USP47: variants seen among roughly 807,000 people sequenced by gnomAD.
USP47 encodes ubiquitin specific peptidase 47, also known as ubiquitin carboxyl-terminal hydrolase 47.
Under a neutral mutation model 165.1 loss-of-function variants are expected in USP47, and 35 were observed. That is an observed-to-expected ratio of 0.21 (90% CI 0.16 to 0.28). USP47 has a LOEUF of 0.28. Ranked by LOEUF, USP47 falls within the 10% of genes least tolerant of loss-of-function variation. USP47 has a pLI of 1.00. For missense variants in USP47, 1,277 were observed against 1,607.4 expected (o/e 0.79, Z 3.52); for synonymous variants, 531 against 544.5 (o/e 0.98, Z 0.35).
At chr11:11,862,337 A>G (rs1464181195) in intron 1 of USP47, among the ~76,000 whole-genome samples, 2 of 152,180 alleles carry the variant, frequency 1.3e-5, no homozygotes, top group African/African-American at 4.8e-5. Context: ...GTTTGTTTTT[A>G]GTAGTAAAGA....
intron 17 of USP47, 149 bp from the exon 18 acceptor site, chr11:11,938,108 G>C (rs1433639938): frequency 3.2e-6 from 2 of 618,258 alleles, no homozygotes; most frequent in Non-Finnish European, 2.8e-6. Context: ...TGCAGTAACT[G>C]GTGATTTATA....
At chr11:11,926,112 A>T (rs545846571) in intron 11 of USP47, among the ~76,000 whole-genome samples, 2 of 152,292 alleles carry the variant, frequency 1.3e-5, no homozygotes, top group Non-Finnish European at 2.9e-5. Flanking sequence ...TTAAGGATTT[A>T]TGCATGAATA....
At chr11:11,849,333 A>T (rs1832132354) in intron 1 of USP47, among the ~76,000 whole-genome samples, 2 of 152,174 alleles carry the variant, frequency 1.3e-5, no homozygotes, top group African/African-American at 4.8e-5. Context: ...AGTGGTTATC[A>T]ATTGGGGCCC....
At chr11:11,857,336 A>T (rs1437576143) in intron 1 of USP47, among the ~76,000 whole-genome samples, 1 of 152,130 alleles carries the variant, frequency 6.6e-6, no homozygotes, top group African/African-American at 2.4e-5. Flanking sequence ...TATTTATAGT[A>T]CTTTGTGATA....
chr11:11,896,921 C>T (rs1851883808), intron 4 of USP47, among the ~76,000 whole-genome samples: 1 of 151,972 alleles, frequency 6.6e-6, no homozygotes, highest in Non-Finnish European at 1.5e-5. Flanking sequence ...AGCTACCATG[C>T]TTGGTCTTTT....
intron 14 of USP47, 70 bp downstream of exon 14, chr11:11,930,821 C>G: frequency 1.6e-6 from 2 of 1,235,776 alleles, no homozygotes; most frequent in Non-Finnish European, 2.3e-6. Context: ...GTTTGCAAAC[C>G]CAGATAACTA....
chr11:11,943,844 G>A (rs1284740230), intron 20 of USP47: 1 of 151,992 alleles, frequency 6.6e-6, no homozygotes, highest in Non-Finnish European at 1.5e-5. Context: ...AGAAGTAGCT[G>A]GAAAAGTAAG....
rs1011782105 is a variant in USP47, at chr11:11,960,941, C to T, written c.*4766C>T. ...CAACCTCATCCTCCCTCCCCACAGG[C>T]CCAGAGAACCAGTTGGGCTTTGTTC... On this transcript the variant is annotated 3_prime_UTR_variant, in exon 28 of 28. Coordinates refer to ENST00000527733, the MANE Select transcript of USP47 (RefSeq NM_001282659.2). 1.3e-5 allele frequency among the ~76,000 whole-genome samples: 2 copies of T among 152,198 alleles called. No individual in the cohort carries two copies. Among genetic ancestry groups the T allele is most frequent in the Non-Finnish European group, 2.9e-5 (2 of 68,018 alleles).
At chr11:11,904,529 G>A (rs1387665781) in intron 7 of USP47, among the ~76,000 whole-genome samples, 1 of 152,152 alleles carries the variant, frequency 6.6e-6, no homozygotes, top group African/African-American at 2.4e-5. Flanking sequence ...TATGTAGATG[G>A]TATTGGGGGC....
intron 16 of USP47, 94 bp from the exon 17 acceptor site, chr11:11,936,209 C>T (rs1855052339): frequency 3.1e-6 from 2 of 648,384 alleles, no homozygotes; most frequent in South Asian, 1.5e-4. Flanking sequence ...AATGTTATTC[C>T]CCAACAGACT....
In USP47 at chr11:11,884,740, CAT is replaced by C. The variant is rs1470226219; in HGVS notation, c.357+162_357+163del. 5 of 546,008 alleles carry C rather than the reference CAT, an allele frequency of 9.2e-6. No homozygotes were observed. In the African/African-American group the frequency reaches 9.6e-5, roughly 10 times the overall value. 33.8% of individuals were successfully genotyped at this position (546,008 alleles called of 1,614,324 possible). ...GGTTTGTTATAAGTGTGTAGAATAA[CAT>C]AGTTACACTGGACATCCACAGCAAC... On this transcript the variant is annotated intron_variant, in intron 3 of 27. Coordinates refer to ENST00000527733, the MANE Select transcript of USP47 (RefSeq NM_001282659.2).
At chr11:11,930,530 G>C (rs117365496) in intron 13 of USP47, among the ~76,000 whole-genome samples, 166 bp from the exon 14 acceptor site, 1 of 152,202 alleles carries the variant, frequency 6.6e-6, no homozygotes, top group East Asian at 1.9e-4. Flanking sequence ...AGAGGAAACA[G>C]ATTTTCCTCT....
At chr11:11,945,597 T>G (rs1219823580) in intron 20 of USP47, among the ~76,000 whole-genome samples, 1 of 151,734 alleles carries the variant, frequency 6.6e-6, no homozygotes, top group Non-Finnish European at 1.5e-5. Flanking sequence ...GGTAGTGCAT[T>G]TACACTGAAA....
intron 8 of USP47, among the ~76,000 whole-genome samples, chr11:11,911,909 A>G (rs943667376): frequency 2.6e-5 from 4 of 152,106 alleles, no homozygotes; most frequent in African/African-American, 9.7e-5. Context: ...TTTTTCAACA[A>G]CAGTGGAATC....
rs531361106 is a variant in USP47, at chr11:11,845,381, C to CT, written c.39+3158dup. ...ACATTTTTCCATAAGTACCTCATAT[C>CT]TCATTTATGCTAAATAGCCTTTTCT... On this transcript the variant is annotated intron_variant, in intron 1 of 27. Transcript: ENST00000527733. 1.4e-3 allele frequency among the ~76,000 whole-genome samples: 214 copies of CT among 152,236 alleles called. 2 individuals are homozygous for CT. The highest frequency in any genetic ancestry group is 4.6e-3 in the African/African-American group (189 of 41,536).
rs560292646 is a variant in USP47, at chr11:11,882,424, C to G, written c.244-2043C>G. Among the ~76,000 whole-genome samples the G allele has an allele frequency of 1.1e-3, 160 of 152,008 alleles. 1 individual carries two copies. Among genetic ancestry groups the G allele is most frequent in the African/African-American group, 3.8e-3 (156 of 41,442 alleles). On this transcript the variant is annotated intron_variant, in intron 2 of 27. Transcript: ENST00000527733. ...TTAAAATCATATTATGCTTTTTATT[C>G]CATAATATATTTGTTTTTTTAAAAA... is the stretch of plus-strand genomic sequence containing the variant.
chr11:11,933,939 T>C lies in USP47; in HGVS notation c.1869+4T>C, dbSNP rs1457077320. On this transcript the variant is annotated splice_donor_region_variant and intron_variant, in intron 16 of 27. Transcript: ENST00000527733. ...AGCAGTAGAAATGGCTTATAAGGTA[T>C]GTTTAATTGCATCATTGGCATTTAC... 2.5e-6 allele frequency: 4 copies of C among 1,582,228 alleles called. No homozygotes were observed. Among genetic ancestry groups the C allele is most frequent in the African/African-American group, 1.4e-5 (1 of 73,988 alleles).
intron 4 of USP47, 30 bp downstream of exon 4, chr11:11,892,136 T>A (rs375650075): frequency 1.6e-5 from 25 of 1,601,744 alleles, no homozygotes; most frequent in Non-Finnish European, 2.0e-5. Flanking sequence ...CATAAAATCA[T>A]AGGGCATTAG....
In USP47 at chr11:11,960,307, T is replaced by C. The variant is rs796633974; in HGVS notation, c.*4132T>C. On this transcript the variant is annotated 3_prime_UTR_variant, in exon 28 of 28. Transcript: ENST00000527733. Reference sequence around the variant, plus strand: ...AGCAATGAGGCTGGTAAGGTTACTGTCCCCTTGTGCCTGGTCACTAGTAAC... The same window carrying C: ...AGCAATGAGGCTGGTAAGGTTACTGCCCCCTTGTGCCTGGTCACTAGTAAC... 6.6e-6 allele frequency among the ~76,000 whole-genome samples: 1 copy of C among 151,952 alleles called. No homozygotes were observed. The highest frequency in any genetic ancestry group is 2.4e-5 in the African/African-American group (1 of 41,362).
Sources: allele counts gnomAD v4.1 joint callset (sites outside exome capture counted in the v4.1 genomes callset), GRCh38; gene constraint gnomAD v4.1.1; transcripts MANE v1.5; gene names NCBI Gene and HGNC (gene_info 2026-07-23, HGNC 2026-07-21).